SNED1: variants seen among roughly 807,000 people sequenced by gnomAD.
The protein encoded by SNED1 is sushi, nidogen and EGF-like domain-containing protein 1.
In SNED1, 81 loss-of-function variants were observed where a neutral mutation model predicts 166.7. The ratio of observed to expected loss-of-function variants is 0.49; its 90% confidence interval spans 0.41 to 0.58. SNED1 has a LOEUF of 0.58. SNED1 is among the 20% of genes least tolerant of loss of function. SNED1 has a pLI of 0.00. For synonymous variants in SNED1, 762 were observed against 822.0 expected (o/e 0.93, Z 1.25); for missense variants, 1,604 against 2,000.2 (o/e 0.80, Z 3.78).
rs536857258 is a variant in SNED1 at position 240,999,555 on chromosome 2, C to T, written c.213+505C>T. On this transcript the variant is annotated intron_variant, in intron 1 of 31. Coordinates refer to ENST00000310397, the MANE Select transcript of SNED1 (RefSeq NM_001080437.3). This position sits in a 1 kb window ranked among gnomAD's most constrained non-coding sequence, Gnocchi z 5.8. ...GGACCCCTTGCCCAGGCGCTCAGGG[C>T]AGGGCCTGCTTCTTCGCTGACCCTC... Among the ~76,000 whole-genome samples, 240 of 152,332 alleles carry T rather than the reference C, an allele frequency of 1.6e-3. 1 individual carries two copies. The highest frequency in any genetic ancestry group is 2.4e-3 in the Non-Finnish European group (166 of 68,010).
intron 1 of SNED1, among the ~76,000 whole-genome samples, chr2:241,020,851 G>T (rs972537346): frequency 1.3e-5 from 2 of 152,126 alleles, no homozygotes; most frequent in Non-Finnish European, 2.9e-5. Context: ...CAAAGAAGCA[G>T]GAAGAGGCCA....
Position 240,998,997 on chromosome 2 carries a change from C to T in SNED1, c.160C>T (p.Arg54Trp). ...GCAGGACGACGGCGGCTCGGGGCTG[C>T]GGCCGCTCTCGGTGCCCTTCCCGTT... ...PKQDDGGSGL[R>W]PLSVPFPFFG... The change falls in exon 1 of 32, where the codon CGG becomes TGG. Residue 54 changes from arginine (R) to tryptophan (W), a missense_variant. Transcript: ENST00000310397. 2.3e-6 allele frequency: 3 copies of T among 1,324,958 alleles called. No homozygotes were observed. The highest frequency in any genetic ancestry group is 1.8e-5 in the South Asian group (1 of 55,406). 82.1% of individuals were successfully genotyped at this position (1,324,958 alleles called of 1,614,324 possible). A position where few individuals can be genotyped will look rare whatever the true frequency, so the allele number is the denominator to read the frequency against.
intron 1 of SNED1, chr2:241,010,690 C>G (rs2060364101): frequency 6.6e-6 from 1 of 152,422 alleles, no homozygotes; most frequent in Admixed American, 6.5e-5. Context: ...GGGCGTGGGG[C>G]ACTCACCGGG....
chr2:241,041,047 G>C (rs1272412412), intron 8 of SNED1: 1 of 355,916 alleles, frequency 2.8e-6, no homozygotes, highest in Non-Finnish European at 5.7e-6. Flanking sequence ...AGATGCTAAA[G>C]ACAAACTATT....
In SNED1 at chr2:241,073,358, A is replaced by G. The variant is rs777658372; in HGVS notation, c.3910A>G (p.Ile1304Val). Residue 1304 changes from isoleucine (I) to valine (V), a missense_variant, in exon 27 of 32, where the codon ATC becomes GTC. Physicochemically the swap from Ile to Val is conservative, Grantham distance 29 (BLOSUM62 3). Around this residue, in one of 2 missense-constraint regions of SNED1, gnomAD observed 367 missense variants for 379.4 expected, o/e 0.97. Coordinates refer to ENST00000310397, the MANE Select transcript of SNED1 (RefSeq NM_001080437.3). This position sits in a 1 kb window ranked among gnomAD's most constrained non-coding sequence, Gnocchi z 6.6. ...GCTCCCTGAACACGGCAGCAAGGACATCGGAAGTGAGTCAGCAGCGCTGGT... is the reference window on the plus strand; with the variant it reads ...GCTCCCTGAACACGGCAGCAAGGACGTCGGAAGTGAGTCAGCAGCGCTGGT... ...LQLPEHGSKD[I>V]GNVPGNCSEN... 2.2e-5 allele frequency: 35 copies of G among 1,567,598 alleles called. No individual in the cohort carries two copies. Among genetic ancestry groups the G allele is most frequent in the South Asian group, 9.4e-5 (8 of 84,904 alleles).
chr2:241,006,420 A>G (rs1240458797), intron 1 of SNED1, among the ~76,000 whole-genome samples: 2 of 152,266 alleles, frequency 1.3e-5, no homozygotes, highest in African/African-American at 4.8e-5. Flanking sequence ...ATGGTGAACA[A>G]TGATGAAACT....
chr2:241,038,370 A>C (rs536288933), intron 6 of SNED1, among the ~76,000 whole-genome samples: 63 of 152,266 alleles, frequency 4.1e-4, no homozygotes, highest in African/African-American at 1.3e-3. Flanking sequence ...GGTATTGGAG[A>C]GAGCTATAGT....
At position 241,094,363 on chromosome 2, in the gene SNED1, G is replaced by A. The variant is rs372510670; in HGVS notation, c.*2727G>A. 6.4e-6 allele frequency: 3 copies of A among 470,870 alleles called. No homozygotes were observed. The Admixed American group carries it at 7.0e-5, about 11-fold the overall frequency. 29.2% of individuals were successfully genotyped at this position (470,870 alleles called of 1,614,324 possible). A position where few individuals can be genotyped will look rare whatever the true frequency, so the allele number is the denominator to read the frequency against. ...ACTCAACTGTGGCGATGTGGACGGAGTCACCGAGCTGCTTTTCTTTTGCAA... is the reference window on the plus strand; with the variant it reads ...ACTCAACTGTGGCGATGTGGACGGAATCACCGAGCTGCTTTTCTTTTGCAA... On this transcript the variant is annotated 3_prime_UTR_variant, in exon 32 of 32. Coordinates refer to ENST00000310397, the MANE Select transcript of SNED1 (RefSeq NM_001080437.3). This position sits in a 1 kb window ranked among gnomAD's most constrained non-coding sequence, Gnocchi z 4.3.
chr2:241,053,065 C>T (rs2061929499), intron 15 of SNED1, 88 bp from the exon 16 acceptor site: 1 of 1,283,324 alleles, frequency 7.8e-7, no homozygotes, highest in Admixed American at 2.1e-5. Context: ...CATCCCTGGG[C>T]CCTGCAGTCG....
intron 2 of SNED1, among the ~76,000 whole-genome samples, chr2:241,032,126 G>A (rs1189010063): frequency 6.6e-6 from 1 of 152,164 alleles, no homozygotes; most frequent in Non-Finnish European, 1.5e-5. Flanking sequence ...AAGTCAGAGG[G>A]ATCACCTGAG....
intron 12 of SNED1, chr2:241,050,144 G>C (rs567237435): frequency 1.9e-5 from 12 of 615,694 alleles, no homozygotes; most frequent in Admixed American, 1.8e-4. Context: ...AGGCCTGCTG[G>C]TCATTACCTT....
intron 16 of SNED1, among the ~76,000 whole-genome samples, chr2:241,058,713 G>T (rs2062140359): frequency 6.6e-6 from 1 of 152,196 alleles, no homozygotes; most frequent in African/African-American, 2.4e-5. Flanking sequence ...CACTTTAGGA[G>T]GCCGAGGCAG....
At chr2:241,041,692 AAAAAC>A (rs1316066552) in intron 8 of SNED1, among the ~76,000 whole-genome samples, 2 of 152,206 alleles carry the variant, frequency 1.3e-5, no homozygotes, top group Non-Finnish European at 2.9e-5. Flanking sequence ...CTGTCTAAAA[AAAAAC>A]AAAAGAGGAA....
Position 241,069,994 on chromosome 2 carries a change from A to G in SNED1, c.3382A>G (p.Thr1128Ala). 3 of 1,612,620 alleles carry G rather than the reference A, an allele frequency of 1.9e-6. No individual in the cohort carries two copies. Among genetic ancestry groups the G allele is most frequent in the Non-Finnish European group, 2.5e-6 (3 of 1,179,788 alleles). ...TSAHVVWDAP[T>A]PGSLLEAYVI... ...TGCCCACGTGGTCTGGGATGCCCCGACTCCAGGCAGCTTGCTGGAGGCTTA... is the reference window on the plus strand; with the variant it reads ...TGCCCACGTGGTCTGGGATGCCCCGGCTCCAGGCAGCTTGCTGGAGGCTTA... Residue 1128 changes from threonine (T) to alanine (A), a missense_variant, in exon 24 of 32, where the codon ACT becomes GCT. Coordinates refer to ENST00000310397, the MANE Select transcript of SNED1 (RefSeq NM_001080437.3). This position sits in a 1 kb window ranked among gnomAD's most constrained non-coding sequence, Gnocchi z 4.9.
chr2:241,039,651 C>T (rs1480427614), intron 6 of SNED1, among the ~76,000 whole-genome samples: 3 of 152,124 alleles, frequency 2.0e-5, no homozygotes, highest in African/African-American at 7.2e-5. Context: ...CAGCCTCTCG[C>T]CCCAGGGGCC....
At chr2:241,066,840 G>C (rs1036984141) in intron 21 of SNED1, among the ~76,000 whole-genome samples, 7 of 152,206 alleles carry the variant, frequency 4.6e-5, no homozygotes, top group African/African-American at 4.8e-5. Flanking sequence ...ACAGGAGAAG[G>C]CATTCAAGGC....
intron 24 of SNED1, among the ~76,000 whole-genome samples, chr2:241,071,150 C>G (rs948875232): frequency 6.6e-6 from 1 of 152,156 alleles, no homozygotes; most frequent in Non-Finnish European, 1.5e-5. Flanking sequence ...CACCCTCACT[C>G]TCAGGGCACA....
chr2:241,003,450 T>C (rs1013615500), intron 1 of SNED1, among the ~76,000 whole-genome samples: 1 of 152,216 alleles, frequency 6.6e-6, no homozygotes. Context: ...ATCCACATGG[T>C]GGGCTCATGG....
intron 3 of SNED1, 53 bp from the exon 4 acceptor site, chr2:241,034,515 T>TC (rs1399022024): frequency 8.0e-6 from 12 of 1,508,766 alleles, no homozygotes; most frequent in Non-Finnish European, 9.9e-6. Context: ...AACCCCCACC[T>TC]CTGTAGACCT....
Sources: allele counts gnomAD v4.1 joint callset (sites outside exome capture counted in the v4.1 genomes callset), GRCh38; gene constraint gnomAD v4.1.1; regional missense constraint gnomAD v4.1.1; non-coding constraint Gnocchi (gnomAD v3.1); transcripts MANE v1.5; gene names NCBI Gene and HGNC (gene_info 2026-07-23, HGNC 2026-07-21).